AAK1: variants seen among roughly 807,000 people sequenced by gnomAD.
The protein encoded by AAK1 is AP2-associated protein kinase 1.
A neutral mutation model predicts 116.0 loss-of-function variants in AAK1; 37 were observed. The ratio of observed to expected loss-of-function variants is 0.32; its 90% CI spans 0.25 to 0.42. AAK1 has a LOEUF of 0.42. Ranked by LOEUF, AAK1 falls within the 10% of genes least tolerant of loss-of-function variation. The probability of loss-of-function intolerance (pLI) is 1.00; values close to 1 mark genes in which losing one functional copy is unlikely to be tolerated. For missense variants in AAK1, 919 were observed against 1,170.6 expected (o/e 0.79, Z 3.14); for synonymous variants, 458 against 439.9 (o/e 1.04, Z -0.51).
chr2:69,587,102 A>G (rs1284664462), intron 2 of AAK1, among the ~76,000 whole-genome samples: 1 of 149,556 alleles, frequency 6.7e-6, no homozygotes, highest in Non-Finnish European at 1.5e-5. Context: ...TTTTTTTTTT[A>G]AAGACAGGGT....
intron 2 of AAK1, among the ~76,000 whole-genome samples, chr2:69,606,098 C>T (rs534817111): frequency 6.6e-6 from 1 of 152,252 alleles, no homozygotes; most frequent in East Asian, 1.9e-4. Context: ...ACCTTCTCTC[C>T]CTGCTTGTTC....
intron 2 of AAK1, among the ~76,000 whole-genome samples, chr2:69,579,874 A>G (rs1372902505): frequency 6.6e-6 from 1 of 152,160 alleles, no homozygotes; most frequent in Non-Finnish European, 1.5e-5. Flanking sequence ...CATATATTTG[A>G]CTTTCTCAAT....
intron 2 of AAK1, among the ~76,000 whole-genome samples, chr2:69,627,297 A>G (rs1010148102): frequency 1.6e-5 from 2 of 121,720 alleles, no homozygotes; most frequent in African/African-American, 7.9e-5. Context: ...TCAAAAAGAG[A>G]AAAAAAAAAA....
At position 69,474,665 on chromosome 2, in the gene AAK1, C is replaced by G. The variant is rs930505578; in HGVS notation, c.*1204G>C. 2 of 985,742 alleles carry G rather than the reference C, an allele frequency of 2.0e-6. No homozygotes were observed. The highest frequency in any genetic ancestry group is 2.4e-6 in the Non-Finnish European group (2 of 829,916). 61.1% of individuals were successfully genotyped at this position (985,742 alleles called of 1,614,324 possible). A position where few individuals can be genotyped will look rare whatever the true frequency, so the allele number is the denominator to read the frequency against. On this transcript the variant is annotated 3_prime_UTR_variant, in exon 22 of 22. Transcript: ENST00000409085. ...AGATTGTGTCCAGCTTGTCAGCACA[C>G]TTATTTCTGATTATCTGAAAATAAA...
intron 3 of AAK1, among the ~76,000 whole-genome samples, chr2:69,554,427 C>A (rs180867698): frequency 1.3e-5 from 2 of 152,286 alleles, no homozygotes; most frequent in Non-Finnish European, 2.9e-5. Context: ...AGCAAAGTTA[C>A]ATAGGAAAGG....
intron 2 of AAK1, among the ~76,000 whole-genome samples, chr2:69,627,118 G>A (rs190744107): frequency 9.1e-4 from 138 of 151,920 alleles, no homozygotes; most frequent in African/African-American, 2.7e-3. Flanking sequence ...TGAAACCCCC[G>A]TCTCTACTAA....
At chr2:69,544,387 T>C (rs1451138397) in intron 4 of AAK1, 49 bp downstream of exon 4, 17 of 1,453,860 alleles carry the variant, frequency 1.2e-5, no homozygotes, top group Non-Finnish European at 1.6e-5. Context: ...ACCATGACAA[T>C]CAAAATGCTA....
At chr2:69,544,265 C>T (rs61374418) in intron 4 of AAK1, 171 bp downstream of exon 4, 20 of 578,442 alleles carry the variant, frequency 3.5e-5, no homozygotes, top group Non-Finnish European at 5.2e-5. Flanking sequence ...ACGTTTGTAC[C>T]GTTATAAGAA....
At chr2:69,633,099 T>C (rs56745808) in intron 2 of AAK1, among the ~76,000 whole-genome samples, 5,472 of 149,624 alleles carry the variant, frequency 0.037, 322 homozygotes, top group African/African-American at 0.13. Flanking sequence ...CAGGCACCTG[T>C]AGTCCCAGCT....
At chr2:69,600,884 C>A (rs982969858) in intron 2 of AAK1, among the ~76,000 whole-genome samples, 2 of 152,208 alleles carry the variant, frequency 1.3e-5, no homozygotes, top group African/African-American at 4.8e-5. Context: ...GTCACCCCAA[C>A]TTTCAGCAAC....
intron 16 of AAK1, among the ~76,000 whole-genome samples, chr2:69,502,131 C>T (rs1039943681): frequency 6.6e-5 from 10 of 151,902 alleles, no homozygotes; most frequent in African/African-American, 2.2e-4. Flanking sequence ...AACACAAATA[C>T]ATACAATTAA....
rs1317217480 is a variant in AAK1 at position 69,474,116 on chromosome 2, C to T, written c.*1753G>A. 84 of 985,750 alleles carry T rather than the reference C, an allele frequency of 8.5e-5. No homozygotes were observed. The highest frequency in any genetic ancestry group is 9.8e-5 in the Non-Finnish European group (81 of 829,942). 61.1% of individuals were successfully genotyped at this position (985,750 alleles called of 1,614,324 possible). A position where few individuals can be genotyped will look rare whatever the true frequency, so the allele number is the denominator to read the frequency against. On this transcript the variant is annotated 3_prime_UTR_variant, in exon 22 of 22. Transcript: ENST00000409085. The stretch of plus-strand genomic sequence containing the variant: ...CCTCCAATGCCTTTCAAAGGCTACT[C>T]GCACATTCCTAGGGTCAAACCTTGC...
intron 15 of AAK1, among the ~76,000 whole-genome samples, chr2:69,506,529 A>G (rs1301350308): frequency 6.6e-6 from 1 of 151,980 alleles, no homozygotes; most frequent in African/African-American, 2.4e-5. Flanking sequence ...ATGCCCAGCT[A>G]ATTTTTAAAA....
chr2:69,465,624 G>A lies in AAK1; in HGVS notation c.*10245C>T. On this transcript the variant is annotated 3_prime_UTR_variant, in exon 22 of 22. Transcript: ENST00000409085. ...CTCGTCTTCTGGGCTATAGTGACGG[G>A]AATACTTGGATAAGGACTGGGGGCG... 2.3e-6 allele frequency: 3 copies of A among 1,290,944 alleles called. No individual in the cohort carries two copies. Among genetic ancestry groups the A allele is most frequent in the Non-Finnish European group, 3.0e-6 (3 of 988,878 alleles). 80.0% of individuals were successfully genotyped at this position (1,290,944 alleles called of 1,614,324 possible). A position where few individuals can be genotyped will look rare whatever the true frequency, so the allele number is the denominator to read the frequency against.
intron 16 of AAK1, among the ~76,000 whole-genome samples, chr2:69,503,995 G>A (rs1197967073): frequency 1.8e-5 from 2 of 108,160 alleles, no homozygotes; most frequent in Non-Finnish European, 1.8e-5. Flanking sequence ...GCGAAATTCC[G>A]TCTAAAAAAA....
At chr2:69,503,669 G>A (rs1214397632) in intron 16 of AAK1, among the ~76,000 whole-genome samples, 4 of 152,082 alleles carry the variant, frequency 2.6e-5, no homozygotes, top group East Asian at 1.9e-4. Flanking sequence ...ACAGGTGTGC[G>A]CCACCATGCC....
chr2:69,467,693 T>A lies in AAK1; in HGVS notation c.*8176A>T, dbSNP rs1353833377. The A allele has an allele frequency of 3.0e-6, 3 of 985,248 alleles. No individual in the cohort carries two copies. Among genetic ancestry groups the A allele is most frequent in the Admixed American group, 6.1e-5 (1 of 16,262 alleles). The allele number at this position is 985,248 out of a possible 1,614,324, so 61.0% of individuals were successfully genotyped here. On this transcript the variant is annotated 3_prime_UTR_variant, in exon 22 of 22. Transcript: ENST00000409085. The stretch of plus-strand genomic sequence containing the variant: ...CCCTTCCCATACTGACCCTCTCCCC[T>A]CCTATGCAAACCATTAGCTAGCAGA...
intron 3 of AAK1, among the ~76,000 whole-genome samples, chr2:69,548,899 G>A (rs751009080): frequency 8.1e-5 from 12 of 149,000 alleles, no homozygotes; most frequent in African/African-American, 1.7e-4. Flanking sequence ...CACCACACCC[G>A]GCCAACAAGC....
intron 2 of AAK1, among the ~76,000 whole-genome samples, chr2:69,640,111 C>T (rs1417660875): frequency 6.8e-6 from 1 of 147,988 alleles, no homozygotes; most frequent in Admixed American, 6.8e-5. Flanking sequence ...TGATGTATAA[C>T]GTTGCTGGTA....
Sources: allele counts gnomAD v4.1 joint callset (sites outside exome capture counted in the v4.1 genomes callset), GRCh38; gene constraint gnomAD v4.1.1; transcripts MANE v1.5; gene names NCBI Gene and HGNC (gene_info 2026-07-23, HGNC 2026-07-21).